The following SLC17A7 variants were observed in gnomAD, a reference collection of about 807,000 sequenced individuals.
The protein encoded by SLC17A7 is solute carrier family 17 member 7.
Under a neutral mutation model 59.1 loss-of-function variants are expected in SLC17A7, and 15 were observed. That is an observed-to-expected ratio of 0.25 (90% CI 0.17 to 0.39). The LOEUF (loss-of-function observed/expected upper bound fraction) is 0.39. SLC17A7 is among the 10% of genes least tolerant of loss of function. The probability of loss-of-function intolerance (pLI) is 1.00; values close to 1 mark genes in which losing one functional copy is unlikely to be tolerated. For missense variants in SLC17A7, 499 were observed against 765.1 expected (o/e 0.65, Z 4.10); for synonymous variants, 353 against 308.9 (o/e 1.14, Z -1.50).
chr19:49,440,946 A>C (rs2078997719), intron 1 of SLC17A7, among the ~76,000 whole-genome samples: 1 of 151,998 alleles, frequency 6.6e-6, no homozygotes, highest in African/African-American at 2.4e-5. Context: ...AGGGGCCCAG[A>C]GAGAAGGGAG....
intron 1 of SLC17A7, 99 bp downstream of exon 1, chr19:49,441,219 C>T (rs2078998491): frequency 6.5e-7 from 1 of 1,533,140 alleles, no homozygotes; most frequent in Non-Finnish European, 8.8e-7. Flanking sequence ...ACCCCCATGC[C>T]GGGGTATCGC....
chr19:49,434,525 C>T (rs2078973220), intron 5 of SLC17A7, 77 bp downstream of exon 5: 2 of 1,281,900 alleles, frequency 1.6e-6, no homozygotes, highest in Non-Finnish European at 2.2e-6. Flanking sequence ...CCCAGCCCCT[C>T]CCCGCTCAGA....
chr19:49,430,506 G>T lies in SLC17A7; in HGVS notation c.*13C>A. 1 of 1,547,094 alleles carries T rather than the reference G, an allele frequency of 6.5e-7. No homozygotes were observed. The highest frequency in any genetic ancestry group is 8.7e-7 in the Non-Finnish European group (1 of 1,144,704). Reference sequence around the variant, plus strand: ...GAGGTCCTGGAAACTGCCATTCAGTGGGAGGCACATGGTCAGTAGTCCCGG... The same window carrying T: ...GAGGTCCTGGAAACTGCCATTCAGTTGGAGGCACATGGTCAGTAGTCCCGG... On this transcript the variant is annotated 3_prime_UTR_variant, in exon 12 of 12. Coordinates refer to ENST00000221485, the MANE Select transcript of SLC17A7 (RefSeq NM_020309.4).
In SLC17A7 at chr19:49,433,213, C is replaced by T. The variant is rs554168998; in HGVS notation, c.868-253G>A. ...CTCAGGTCCGCAGGTGTCCGGGCCC[C>T]TCAGGGACCTGTCTTTTTCTTTTTT... On this transcript the variant is annotated intron_variant, in intron 7 of 11. Coordinates refer to ENST00000221485, the MANE Select transcript of SLC17A7 (RefSeq NM_020309.4). The surrounding 1 kb of genome is among the most constrained non-coding windows in gnomAD (Gnocchi z 5.7). The T allele has an allele frequency of 4.9e-4, 265 of 542,704 alleles. 1 individual carries two copies. Among genetic ancestry groups the T allele is most frequent in the Non-Finnish European group, 7.8e-4 (241 of 309,416 alleles). 33.6% of individuals were successfully genotyped at this position (542,704 alleles called of 1,614,324 possible). A position where few individuals can be genotyped will look rare whatever the true frequency, so the allele number is the denominator to read the frequency against.
rs2078951630 is a variant in SLC17A7 at position 49,430,008 on chromosome 19, A to G, written c.*511T>C. 1 of 166,596 alleles carries G rather than the reference A, an allele frequency of 6.0e-6. No individual in the cohort carries two copies. Among genetic ancestry groups the G allele is most frequent in the East Asian group, 1.7e-4 (1 of 6,040 alleles). 10.3% of individuals were successfully genotyped at this position (166,596 alleles called of 1,614,324 possible). Reference sequence around the variant, plus strand: ...CCATCAGAAACGCTGGTGAGAATCAATCCCTGGAATGGCGGGGACGAGTAA... The same window carrying G: ...CCATCAGAAACGCTGGTGAGAATCAGTCCCTGGAATGGCGGGGACGAGTAA... On this transcript the variant is annotated 3_prime_UTR_variant, in exon 12 of 12. Coordinates refer to ENST00000221485, the MANE Select transcript of SLC17A7 (RefSeq NM_020309.4).
chr19:49,433,896 C>T lies in SLC17A7; in HGVS notation c.725-28G>A, dbSNP rs1468870268. On this transcript the variant is annotated intron_variant, in intron 6 of 11. Coordinates refer to ENST00000221485, the MANE Select transcript of SLC17A7 (RefSeq NM_020309.4). This position sits in a 1 kb window ranked among gnomAD's most constrained non-coding sequence, Gnocchi z 5.7. ...GGGGGGGTCAGGAGGGGGATGGGAG[C>T]GAGGTGAGGACCGGCCCCGCTCCGC... The T allele has an allele frequency of 6.2e-7, 1 of 1,611,940 alleles. No individual in the cohort carries two copies. Among genetic ancestry groups the T allele is most frequent in the Admixed American group, 1.7e-5 (1 of 59,872 alleles).
In SLC17A7 at chr19:49,431,444, G is replaced by A. The variant is rs776936453; in HGVS notation, c.1155C>T (p.Phe385=). The change falls in exon 10 of 12, where the codon TTC becomes TTT. Residue 385 remains phenylalanine (F), a synonymous_variant. Coordinates refer to ENST00000221485, the MANE Select transcript of SLC17A7 (RefSeq NM_020309.4). The surrounding 1 kb of genome is among the most constrained non-coding windows in gnomAD (Gnocchi z 4.6). ...NVRKLMNCGG[F]GMEATLLLVV... is the part of the protein sequence containing the mutation. ...CCAACAGCAGCGTGGCTTCCATGCC[G>A]AAGCCTACGGGGGCGGGGGGGGCCC... 7.4e-6 allele frequency: 12 copies of A among 1,613,354 alleles called. No individual in the cohort carries two copies. In the East Asian group the frequency reaches 1.6e-4, roughly 21 times the overall value.
chr19:49,431,027 C>A lies in SLC17A7; in HGVS notation c.1377G>T (p.Met459Ile). The A allele has an allele frequency of 6.2e-7, 1 of 1,611,196 alleles. No individual in the cohort carries two copies. Among genetic ancestry groups the A allele is most frequent in the South Asian group, 1.1e-5 (1 of 90,864 alleles). ...GMVCPIIVGA[M>I]TKHKTREEWQ... ...CTGCGGCACCCACCTTGTGCTTAGT[C>A]ATGGCCCCCACGATGATGGGGCACA... The change falls in exon 11 of 12, where the codon ATG becomes ATT. Residue 459 changes from methionine (M) to isoleucine (I), a missense_variant. By Grantham distance (10) the Met-to-Ile change is conservative (BLOSUM62 1). Around this residue, in one of 3 missense-constraint regions of SLC17A7, gnomAD observed 323 missense variants for 607.2 expected, o/e 0.53. Transcript: ENST00000221485. The surrounding 1 kb of genome is among the most constrained non-coding windows in gnomAD (Gnocchi z 4.6).
chr19:49,441,506 CGGGGGGAA>C lies in SLC17A7; in HGVS notation c.-135_-128del. 1 of 1,056,720 alleles carries C rather than the reference CGGGGGGAA, an allele frequency of 9.5e-7. No individual in the cohort carries two copies. Among genetic ancestry groups the C allele is most frequent in the Non-Finnish European group, 1.1e-6 (1 of 878,488 alleles). 65.5% of individuals were successfully genotyped at this position (1,056,720 alleles called of 1,614,324 possible). A position where few individuals can be genotyped will look rare whatever the true frequency, so the allele number is the denominator to read the frequency against. ...GCCCGGCCGGCCCCGCAGCTCCGCT[CGGGGGGAA>C]GGAGGCTGCAAGTGCAGGCGGCCCG... On this transcript the variant is annotated 5_prime_UTR_variant, in exon 1 of 12. Transcript: ENST00000221485.
chr19:49,434,057 G>T lies in SLC17A7; in HGVS notation c.638-11C>A. Reference sequence around the variant, plus strand: ...CCCCAGCATAGGAACCTAAGGGGGAGGATGCGGGGGAGAGAACAGGCCCAT... The same window carrying T: ...CCCCAGCATAGGAACCTAAGGGGGATGATGCGGGGGAGAGAACAGGCCCAT... On this transcript the variant is annotated splice_polypyrimidine_tract_variant and intron_variant, in intron 5 of 11. Coordinates refer to ENST00000221485, the MANE Select transcript of SLC17A7 (RefSeq NM_020309.4). 1 of 1,587,132 alleles carries T rather than the reference G, an allele frequency of 6.3e-7. No individual in the cohort carries two copies.
At chr19:49,438,192 G>A (rs747343229) in intron 1 of SLC17A7, 1 of 152,586 alleles carries the variant, frequency 6.6e-6, no homozygotes, top group Non-Finnish European at 1.5e-5. Flanking sequence ...GGGGGACAGA[G>A]ACCCAGAGAG....
intron 11 of SLC17A7, 23 bp from the exon 12 acceptor site, chr19:49,430,835 G>C: frequency 6.3e-7 from 1 of 1,586,622 alleles, no homozygotes; most frequent in Non-Finnish European, 8.6e-7. Flanking sequence ...ATAGGGCTGA[G>C]GTCAAATGGG....
Position 49,433,321 on chromosome 19 carries a change from C to T in SLC17A7, c.868-361G>A. 2.4e-6 allele frequency: 1 copy of T among 408,728 alleles called. No homozygotes were observed. Among genetic ancestry groups the T allele is most frequent in the East Asian group, 5.5e-5 (1 of 18,054 alleles). The allele number at this position is 408,728 out of a possible 1,614,324, so 25.3% of individuals were successfully genotyped here. A position where few individuals can be genotyped will look rare whatever the true frequency, so the allele number is the denominator to read the frequency against. On this transcript the variant is annotated intron_variant, in intron 7 of 11. Transcript: ENST00000221485. The surrounding 1 kb of genome is among the most constrained non-coding windows in gnomAD (Gnocchi z 5.7). The stretch of plus-strand genomic sequence containing the variant: ...TGTTGCCCAAGCTGGTCTGGAACTC[C>T]TGGGCTCAAGCGATCCTGCAGCCTC...
rs1270202646 is a variant in SLC17A7, at chr19:49,431,007, G to A, written c.1389+8C>T. The A allele has an allele frequency of 1.9e-6, 3 of 1,602,382 alleles. No homozygotes were observed. The highest frequency in any genetic ancestry group is 3.4e-5 in the Admixed American group (2 of 59,622). On this transcript the variant is annotated splice_region_variant and intron_variant, in intron 11 of 11. Transcript: ENST00000221485. This position sits in a 1 kb window ranked among gnomAD's most constrained non-coding sequence, Gnocchi z 4.6. ...GGAGGCAGACTGAGTCAGGACTGCGGCACCCACCTTGTGCTTAGTCATGGC... is the reference window on the plus strand; with the variant it reads ...GGAGGCAGACTGAGTCAGGACTGCGACACCCACCTTGTGCTTAGTCATGGC...
At chr19:49,440,375 C>T (rs779682562) in intron 1 of SLC17A7, among the ~76,000 whole-genome samples, 8 of 152,260 alleles carry the variant, frequency 5.3e-5, no homozygotes, top group Non-Finnish European at 1.0e-4. Flanking sequence ...TAGGCTTTTC[C>T]GCAGCTGAGT....
Position 49,435,294 on chromosome 19 carries a change from C to T in SLC17A7, c.316-8G>A. The T allele has an allele frequency of 6.2e-7, 1 of 1,600,002 alleles. No homozygotes were observed. The highest frequency in any genetic ancestry group is 1.1e-5 in the South Asian group (1 of 90,776). On this transcript the variant is annotated splice_region_variant and splice_polypyrimidine_tract_variant and intron_variant, in intron 2 of 11. Transcript: ENST00000221485. ...CCAGCTGAACTGGGCTTTCTGCGGG[C>T]CAAAATGTACATTAAATCAGCCGCC...
At chr19:49,432,224 C>A (rs1010736433) in intron 9 of SLC17A7, among the ~76,000 whole-genome samples, 3 of 152,238 alleles carry the variant, frequency 2.0e-5, no homozygotes, top group African/African-American at 4.8e-5. Flanking sequence ...CCACACCCAA[C>A]TTTGTGCAGG....
At position 49,433,403 on chromosome 19, in the gene SLC17A7, C is replaced by A; in HGVS notation, c.867+323G>T. The A allele has an allele frequency of 2.1e-6, 1 of 476,052 alleles. No individual in the cohort carries two copies. Among genetic ancestry groups the A allele is most frequent in the South Asian group, 2.0e-5 (1 of 49,244 alleles). 29.5% of individuals were successfully genotyped at this position (476,052 alleles called of 1,614,324 possible). A position where few individuals can be genotyped will look rare whatever the true frequency, so the allele number is the denominator to read the frequency against. On this transcript the variant is annotated intron_variant, in intron 7 of 11. Coordinates refer to ENST00000221485, the MANE Select transcript of SLC17A7 (RefSeq NM_020309.4). The surrounding 1 kb of genome is among the most constrained non-coding windows in gnomAD (Gnocchi z 5.7). ...GCCACTGAGCCTGCCCTAGGAGTCTCTTTTTATCAAAAATGCTCCCAAAAT... is the reference window on the plus strand; with the variant it reads ...GCCACTGAGCCTGCCCTAGGAGTCTATTTTTATCAAAAATGCTCCCAAAAT...
In SLC17A7 at chr19:49,429,948, T is replaced by C; in HGVS notation, c.*571A>G. ...ATCTGCTGGTAGGGGAGATGTGAAG[T>C]GGGCACGGAATCGGGGACTTGAAAC... On this transcript the variant is annotated 3_prime_UTR_variant, in exon 12 of 12. Transcript: ENST00000221485. The C allele has an allele frequency of 5.0e-6, 1 of 198,370 alleles. No homozygotes were observed. The allele number at this position is 198,370 out of a possible 1,614,324, so 12.3% of individuals were successfully genotyped here.
Sources: gnomAD v4.1 joint callset for allele counts (sites outside exome capture counted in the v4.1 genomes callset) on GRCh38, gnomAD v4.1.1 for gene constraint, gnomAD v4.1.1 regional missense constraint, Gnocchi (gnomAD v3.1) non-coding constraint, MANE v1.5 for transcripts, NCBI Gene and HGNC (gene_info 2026-07-23, HGNC 2026-07-21) for gene names.